The following ROBO2 variants were observed in gnomAD, a reference collection of about 807,000 sequenced individuals.
ROBO2 encodes the protein roundabout guidance receptor 2, also known as roundabout homolog 2.
A neutral mutation model predicts 160.8 loss-of-function variants in ROBO2; 53 were observed. That is an observed-to-expected ratio of 0.33 (90% confidence interval 0.26 to 0.41). ROBO2 has a LOEUF of 0.41. Among genes scored for constraint, ROBO2 ranks in the 10% least tolerant of loss-of-function variants. ROBO2 has a pLI of 1.00. For missense variants in ROBO2, 1,577 were observed against 1,722.4 expected, an observed-to-expected ratio of 0.92 and a Z score of 1.49; for synonymous variants, 664 against 611.7, an observed-to-expected ratio of 1.09 and a Z score of -1.26.
chr3:76,015,200 T>A (rs2107636844), intron 2 of ROBO2, among the ~76,000 whole-genome samples: 1 of 152,290 alleles, frequency 6.6e-6, no homozygotes, highest in Middle Eastern at 3.4e-3. Context: ...GTTACCAAAT[T>A]ACAAATGGCT....
At chr3:76,694,462 C>T (rs1256327115) in intron 2 of ROBO2, among the ~76,000 whole-genome samples, 2 of 152,190 alleles carry the variant, frequency 1.3e-5, no homozygotes, top group East Asian at 3.9e-4. Context: ...TCTTACTACT[C>T]AAGTGCAGCT....
intron 2 of ROBO2, among the ~76,000 whole-genome samples, chr3:76,216,369 T>C (rs1384681327): frequency 1.3e-5 from 2 of 152,110 alleles, no homozygotes; most frequent in East Asian, 3.9e-4. Context: ...GACTGCAAAT[T>C]GGATAAAGAG....
chr3:76,264,335 T>C (rs1207092651), intron 2 of ROBO2, among the ~76,000 whole-genome samples: 1 of 151,438 alleles, frequency 6.6e-6, no homozygotes, highest in Non-Finnish European at 1.5e-5. Context: ...TCTCTAGTTT[T>C]TTTTTTTTCC....
chr3:77,445,794 G>GTTTTTTTTTTTTTTTTTTT (rs199914360), intron 2 of ROBO2, among the ~76,000 whole-genome samples: 3 of 123,078 alleles, frequency 2.4e-5, no homozygotes, highest in Non-Finnish European at 3.4e-5. Context: ...GTTTTTTTTT[G>GTTTTTTTTTTTTTTTTTTT]TTTTTTTTTT....
intron 12 of ROBO2, among the ~76,000 whole-genome samples, chr3:77,566,525 T>C (rs2093485364): frequency 6.6e-6 from 1 of 152,124 alleles, no homozygotes; most frequent in African/African-American, 2.4e-5. Context: ...TGATCATTTA[T>C]ACCTTTGTGC....
intron 2 of ROBO2, among the ~76,000 whole-genome samples, chr3:76,041,908 C>T (rs1357223840): frequency 6.6e-6 from 1 of 151,524 alleles, no homozygotes; most frequent in African/African-American, 2.4e-5. Flanking sequence ...AAAAGATGTC[C>T]TGTTTCTCTT....
chr3:76,026,123 G>A (rs1046030300), intron 2 of ROBO2, among the ~76,000 whole-genome samples: 3 of 151,848 alleles, frequency 2.0e-5, no homozygotes, highest in South Asian at 4.1e-4. Flanking sequence ...GTCAGTGACC[G>A]ATTAACCATT....
At chr3:76,807,399 T>C (rs535927545) in intron 2 of ROBO2, among the ~76,000 whole-genome samples, 1 of 152,190 alleles carries the variant, frequency 6.6e-6, no homozygotes, top group East Asian at 1.9e-4. Context: ...ATTTTCTATT[T>C]ATGGCAGTTT....
At chr3:76,701,852 A>G (rs1300077955) in intron 2 of ROBO2, among the ~76,000 whole-genome samples, 1 of 70,300 alleles carries the variant, frequency 1.4e-5, no homozygotes, top group Non-Finnish European at 4.0e-5. Context: ...GCAGTCTAAA[A>G]AAAAAAAAAA....
At chr3:76,146,697 GGTGT>G (rs139527329) in intron 2 of ROBO2, among the ~76,000 whole-genome samples, 21 of 136,482 alleles carry the variant, frequency 1.5e-4, no homozygotes, top group African/African-American at 2.9e-4. Flanking sequence ...GATTACATAG[GGTGT>G]GTGTGTGTGT....
rs569678280 is a variant in ROBO2, at chr3:76,038,764, CTGCG to C, written c.109+101165_109+101168del. On this transcript the variant is annotated intron_variant, in intron 2 of 26. Transcript: ENST00000487694. ...AACCCAACTGGTAGCACATGGAAAA[CTGCG>C]TGTGTGTGTGTGTGTGTGTGTGTAT... Among the ~76,000 whole-genome samples the C allele has an allele frequency of 9.6e-3, 1,035 of 107,724 alleles. 59 individuals carry two copies. The East Asian group carries it at 0.16, about 17-fold the overall frequency. The allele number at this position is 107,724 out of a possible 152,430, so 70.7% of individuals were successfully genotyped here. A position where few individuals can be genotyped will look rare whatever the true frequency, so the allele number is the denominator to read the frequency against.
At chr3:76,141,066 T>TATATATATATATATATATATATATAAA (rs1264863182) in intron 2 of ROBO2, among the ~76,000 whole-genome samples, 1 of 116,354 alleles carries the variant, frequency 8.6e-6, no homozygotes, top group Non-Finnish European at 1.8e-5. Context: ...CATACATATA[T>TATATATATATATATATATATATATAAA]ATATATATAT....
At chr3:76,312,936 AGAT>A (rs1262372170) in intron 2 of ROBO2, among the ~76,000 whole-genome samples, 1 of 152,238 alleles carries the variant, frequency 6.6e-6, no homozygotes, top group Non-Finnish European at 1.5e-5. Flanking sequence ...CTTTGAATAC[AGAT>A]GCATTAGATT....
exon 2 of ROBO2, chr3:77,098,243 C>T (rs751289037): frequency 6.2e-7 from 1 of 1,614,140 alleles, no homozygotes; most frequent in South Asian, 1.1e-5. Flanking sequence ...GCATCGTGCA[C>T]GGGCGCAGGA....
intron 1 of ROBO2, among the ~76,000 whole-genome samples, chr3:77,090,471 A>T (rs2070042195): frequency 6.7e-6 from 1 of 150,334 alleles, no homozygotes; most frequent in Admixed American, 6.7e-5. Flanking sequence ...CTCCTGCCTC[A>T]GTCTCCCGAG....
At chr3:76,832,115 G>C (rs2067145474) in intron 2 of ROBO2, among the ~76,000 whole-genome samples, 1 of 152,106 alleles carries the variant, frequency 6.6e-6, no homozygotes, top group Non-Finnish European at 1.5e-5. Flanking sequence ...TGATAGTTTT[G>C]ACTTCATTTA....
chr3:76,996,328 A>T (rs189671291), intron 2 of ROBO2, among the ~76,000 whole-genome samples: 455 of 152,342 alleles, frequency 3.0e-3, no homozygotes, highest in Non-Finnish European at 5.5e-3. Context: ...TTTTGGTACC[A>T]GTACCATGCT....
At chr3:76,265,458 T>C (rs1412720812) in intron 2 of ROBO2, among the ~76,000 whole-genome samples, 1 of 152,178 alleles carries the variant, frequency 6.6e-6, no homozygotes, top group Non-Finnish European at 1.5e-5. Flanking sequence ...ATGATAGTAA[T>C]AAGAGCTTCC....
chr3:77,084,659 A>G lies in ROBO2; in HGVS notation c.62-13355A>G, dbSNP rs572574797. 5.3e-5 allele frequency among the ~76,000 whole-genome samples: 8 copies of G among 151,120 alleles called. No homozygotes were observed. The South Asian group carries it at 1.1e-3, about 20-fold the overall frequency. ...GGGAAACCTGGGGATGATCAGTTTC[A>G]TTTGATCCCTCCTCTGATAAGGCTT... On this transcript the variant is annotated intron_variant, in intron 1 of 25. Transcript: ENST00000461745.
Sources: gnomAD v4.1 joint callset for allele counts (sites outside exome capture counted in the v4.1 genomes callset) on GRCh38, gnomAD v4.1.1 for gene constraint, MANE v1.5 for transcripts, NCBI Gene and HGNC (gene_info 2026-07-23, HGNC 2026-07-21) for gene names.